The following DACH1 variants were observed in gnomAD, a reference collection of about 807,000 sequenced individuals.
The protein encoded by DACH1 is dachshund homolog 1.
DACH1 carries 12 observed loss-of-function variants against 54.2 expected under a neutral mutation model. That is an observed-to-expected ratio of 0.22 (90% CI 0.14 to 0.36). The LOEUF (loss-of-function observed/expected upper bound fraction) is 0.36, where lower values mean the gene tolerates loss of function less well. Among genes scored for constraint, DACH1 ranks in the 10% least tolerant of loss-of-function variants. The pLI is 1.00. For missense variants in DACH1, 805 were observed against 929.8 expected (o/e 0.87, Z 1.75); for synonymous variants, 386 against 366.2 (o/e 1.05, Z -0.62).
intron 1 of DACH1, among the ~76,000 whole-genome samples, chr13:71,780,856 G>C (rs894172178): frequency 6.6e-6 from 1 of 151,968 alleles, no homozygotes; most frequent in Admixed American, 6.6e-5. Context: ...AGAATAGGCC[G>C]GTCTCAGTGG....
At chr13:71,784,316 C>G (rs1457846253) in intron 1 of DACH1, among the ~76,000 whole-genome samples, 1 of 151,894 alleles carries the variant, frequency 6.6e-6, no homozygotes, top group Non-Finnish European at 1.5e-5. Context: ...AATGAATTCA[C>G]AGAAAATGGG....
chr13:71,608,415 C>A (rs1875050457), intron 3 of DACH1, among the ~76,000 whole-genome samples: 1 of 151,966 alleles, frequency 6.6e-6, no homozygotes, highest in South Asian at 2.1e-4. Context: ...TATAAAATAG[C>A]ATGGATAAAA....
chr13:71,763,465 T>A (rs376775099), intron 1 of DACH1, among the ~76,000 whole-genome samples: 95 of 152,258 alleles, frequency 6.2e-4, no homozygotes, highest in African/African-American at 2.1e-3. Context: ...AGCTAAGAGA[T>A]CAGACTGTGT....
chr13:71,439,298 A>C lies in DACH1; in HGVS notation c.*1357T>G, dbSNP rs41283986. 3 of 152,468 alleles carry C rather than the reference A, an allele frequency of 2.0e-5. No homozygotes were observed. The highest frequency in any genetic ancestry group is 4.4e-5 in the Non-Finnish European group (3 of 67,902). 9.4% of individuals were successfully genotyped at this position (152,468 alleles called of 1,614,324 possible). Reference sequence around the variant, plus strand: ...CAAAGAGAAGGTAACTTTAGCATGTAATAAGCACTGTTTGCCGCTTTACTT... The same window carrying C: ...CAAAGAGAAGGTAACTTTAGCATGTCATAAGCACTGTTTGCCGCTTTACTT... On this transcript the variant is annotated 3_prime_UTR_variant, in exon 11 of 11. Transcript: ENST00000613252.
At chr13:71,688,599 A>G (rs998605029) in intron 1 of DACH1, among the ~76,000 whole-genome samples, 1 of 152,162 alleles carries the variant, frequency 6.6e-6, no homozygotes, top group African/African-American at 2.4e-5. Context: ...GTACAAACAG[A>G]CTATGAACTA....
chr13:71,454,304 C>A (rs1223365972), intron 10 of DACH1, among the ~76,000 whole-genome samples: 1 of 152,082 alleles, frequency 6.6e-6, no homozygotes, highest in African/African-American at 2.4e-5. Context: ...GGGAACTGGA[C>A]AGTTTTATTT....
At chr13:71,587,762 G>T (rs117880118) in intron 3 of DACH1, among the ~76,000 whole-genome samples, 1 of 152,200 alleles carries the variant, frequency 6.6e-6, no homozygotes, top group East Asian at 1.9e-4. Flanking sequence ...ATACTTGAAT[G>T]AATGTATTAG....
intron 1 of DACH1, among the ~76,000 whole-genome samples, chr13:71,703,553 T>A (rs1046672938): frequency 6.6e-6 from 1 of 152,262 alleles, no homozygotes; most frequent in Non-Finnish European, 1.5e-5. Context: ...CTGCACAAGA[T>A]GCGTCATAAA....
chr13:71,796,627 T>C (rs1887063263), intron 1 of DACH1, among the ~76,000 whole-genome samples: 1 of 152,076 alleles, frequency 6.6e-6, no homozygotes, highest in South Asian at 2.1e-4. Flanking sequence ...ACAAAAAATA[T>C]TATATTTCAA....
At chr13:71,656,947 T>C (rs1247884808) in intron 2 of DACH1, among the ~76,000 whole-genome samples, 1 of 142,032 alleles carries the variant, frequency 7.0e-6, no homozygotes, top group African/African-American at 2.6e-5. Context: ...TATATATATA[T>C]ATGCGCATAT....
At chr13:71,820,980 C>T (rs1888162468) in intron 1 of DACH1, among the ~76,000 whole-genome samples, 1 of 152,118 alleles carries the variant, frequency 6.6e-6, no homozygotes, top group African/African-American at 2.4e-5. Flanking sequence ...TAGCAGAGCT[C>T]TAGACAAAAA....
At position 71,771,315 on chromosome 13, in the gene DACH1, G is replaced by GAATA. The variant is rs1566490124; in HGVS notation, c.849-89406_849-89405insTATT. On this transcript the variant is annotated intron_variant, in intron 1 of 10. Coordinates refer to ENST00000613252, the MANE Select transcript of DACH1 (RefSeq NM_080759.6). ...CCAGCAAATGCAAAAAGAAGCAAAA[G>GAATA]GATAAATAAATAAATAAATAAATAA... Among the ~76,000 whole-genome samples the GAATA allele has an allele frequency of 4.9e-3, 692 of 140,918 alleles. 3 individuals are homozygous for GAATA. The highest frequency in any genetic ancestry group is 0.013 in the African/African-American group (499 of 38,832). 92.4% of individuals were successfully genotyped at this position (140,918 alleles called of 152,430 possible).
At chr13:71,679,190 G>A (rs1880748645) in intron 2 of DACH1, among the ~76,000 whole-genome samples, 1 of 152,126 alleles carries the variant, frequency 6.6e-6, no homozygotes, top group African/African-American at 2.4e-5. Context: ...CAAATTTAAA[G>A]TATCTTCGGT....
At chr13:71,585,999 T>G (rs1873229928) in intron 3 of DACH1, among the ~76,000 whole-genome samples, 1 of 152,092 alleles carries the variant, frequency 6.6e-6, no homozygotes, top group African/African-American at 2.4e-5. Flanking sequence ...ACAAAACAAT[T>G]ATGTTGGGTG....
intron 10 of DACH1, among the ~76,000 whole-genome samples, chr13:71,456,968 T>C (rs774996089): frequency 3.3e-5 from 5 of 152,054 alleles, no homozygotes; most frequent in Non-Finnish European, 5.9e-5. Flanking sequence ...ATGATGTTCC[T>C]AAAGCTTAAA....
At chr13:71,614,364 G>A (rs1445866812) in intron 3 of DACH1, among the ~76,000 whole-genome samples, 1 of 152,098 alleles carries the variant, frequency 6.6e-6, no homozygotes, top group Non-Finnish European at 1.5e-5. Flanking sequence ...GAGAATGGAT[G>A]TAGGAATGGA....
chr13:71,852,070 CTG>C (rs1279741922), intron 1 of DACH1, among the ~76,000 whole-genome samples: 1 of 152,178 alleles, frequency 6.6e-6, no homozygotes, highest in African/African-American at 2.4e-5. Context: ...TGGTTTGAAA[CTG>C]TTTTCTAATC....
In DACH1 at chr13:71,726,288, T is replaced by C. The variant is rs751460473; in HGVS notation, c.849-44378A>G. Among the ~76,000 whole-genome samples, 118 of 152,248 alleles carry C rather than the reference T, an allele frequency of 7.8e-4. No homozygotes were observed. The Middle Eastern group carries it at 0.01, about 13-fold the overall frequency. On this transcript the variant is annotated intron_variant, in intron 1 of 10. Transcript: ENST00000613252. ...ATATGCACATAGGCACTAGTATCAT[T>C]ACTGAGAGAAAAAGCAAAAGAATAC...
At chr13:71,819,098 G>A (rs1566521450) in intron 1 of DACH1, among the ~76,000 whole-genome samples, 1 of 152,148 alleles carries the variant, frequency 6.6e-6, no homozygotes, top group East Asian at 1.9e-4. Flanking sequence ...GCCTAAAAGG[G>A]AGAGGAGATC....
Sources: gnomAD v4.1 joint callset for allele counts (sites outside exome capture counted in the v4.1 genomes callset) on GRCh38, gnomAD v4.1.1 for gene constraint, MANE v1.5 for transcripts, NCBI Gene and HGNC (gene_info 2026-07-23, HGNC 2026-07-21) for gene names.